The following KBTBD11 variants were observed in gnomAD, a reference collection of about 807,000 sequenced individuals.
KBTBD11 encodes the protein kelch repeat and BTB domain-containing protein 11.
For synonymous variants in KBTBD11, 747 were observed against 499.0 expected (o/e 1.50, Z -6.63); for missense variants, 1,390 against 1,001.8 (o/e 1.39, Z -5.23).
intron 1 of KBTBD11, among the ~76,000 whole-genome samples, chr8:1,994,886 C>G (rs2004868): frequency 0.16 from 23,989 of 152,066 alleles, 2,188 homozygotes; most frequent in African/African-American, 0.25. Flanking sequence ...TGGCGAAACT[C>G]CGTCTCTACT....
In KBTBD11 at chr8:2,002,467, G is replaced by A. The variant is rs1373774652; in HGVS notation, c.1275G>A (p.Val425=). Residue 425 remains valine (V), a synonymous_variant, in exon 2 of 2, where the codon GTG becomes GTA. Coordinates refer to ENST00000320248, the MANE Select transcript of KBTBD11 (RefSeq NM_014867.3). The surrounding 1 kb of genome is among the most constrained non-coding windows in gnomAD (Gnocchi z 4.1). The stretch of plus-strand genomic sequence containing the variant: ...TGGGCGGCGAGTGCCTGCTCAGCGT[G>A]GAGCGCTACGACCCGCGCGCCGACC... ...YAVGGECLLS[V]ERYDPRADRW... 2.6e-6 allele frequency: 4 copies of A among 1,511,690 alleles called. No individual in the cohort carries two copies. Among genetic ancestry groups the A allele is most frequent in the Non-Finnish European group, 3.5e-6 (4 of 1,137,800 alleles). The allele number at this position is 1,511,690 out of a possible 1,614,324, so 93.6% of individuals were successfully genotyped here.
In KBTBD11 at chr8:2,006,885, A is replaced by G. The variant is rs1186636334; in HGVS notation, c.*3821A>G. ...GGGCATAAATAGTGCAGAGCCTCGTATGTTTGTCAGTTCATGCCGAGATGA... is the reference window on the plus strand; with the variant it reads ...GGGCATAAATAGTGCAGAGCCTCGTGTGTTTGTCAGTTCATGCCGAGATGA... On this transcript the variant is annotated 3_prime_UTR_variant, in exon 2 of 2. Coordinates refer to ENST00000320248, the MANE Select transcript of KBTBD11 (RefSeq NM_014867.3). 1 of 166,976 alleles carries G rather than the reference A, an allele frequency of 6.0e-6. No individual in the cohort carries two copies. Among genetic ancestry groups the G allele is most frequent in the Non-Finnish European group, 1.5e-5 (1 of 68,120 alleles). 10.3% of individuals were successfully genotyped at this position (166,976 alleles called of 1,614,324 possible).
In KBTBD11 at chr8:2,002,761, C is replaced by A. The variant is rs1343774916; in HGVS notation, c.1569C>A (p.Ser523Arg). Residue 523 changes from serine to arginine, a missense_variant, in exon 2 of 2, where the codon AGC becomes AGA. Coordinates refer to ENST00000320248, the MANE Select transcript of KBTBD11 (RefSeq NM_014867.3). The surrounding 1 kb of genome is among the most constrained non-coding windows in gnomAD (Gnocchi z 4.1). ...EAQAAGPSGV[S>R]VSRYHCLAKQ... ...AGGCGGCGGGGCCGAGCGGGGTCAG[C>A]GTGTCCCGATACCACTGCCTGGCCA... 3 of 1,485,974 alleles carry A rather than the reference C, an allele frequency of 2.0e-6. No individual in the cohort carries two copies. Among genetic ancestry groups the A allele is most frequent in the African/African-American group, 2.9e-5 (2 of 68,800 alleles). 92.0% of individuals were successfully genotyped at this position (1,485,974 alleles called of 1,614,324 possible). A position where few individuals can be genotyped will look rare whatever the true frequency, so the allele number is the denominator to read the frequency against.
In KBTBD11 at chr8:2,001,720, G is replaced by T. The variant is rs1454440729; in HGVS notation, c.528G>T (p.Val176=). 2.1e-6 allele frequency: 3 copies of T among 1,413,702 alleles called. No individual in the cohort carries two copies. In the East Asian group the frequency reaches 9.2e-5, roughly 43 times the overall value. The allele number at this position is 1,413,702 out of a possible 1,614,324, so 87.6% of individuals were successfully genotyped here. A position where few individuals can be genotyped will look rare whatever the true frequency, so the allele number is the denominator to read the frequency against. The change falls in exon 2 of 2, where the codon GTG becomes GTT. Residue 176 remains valine, a synonymous_variant. Coordinates refer to ENST00000320248, the MANE Select transcript of KBTBD11 (RefSeq NM_014867.3). Reference sequence around the variant, plus strand: ...GCGCGTCGCGGGACGTGCTGCGGGTGCAGGGAGTGAGCCTGACGGCGCTGC... The same window carrying T: ...GCGCGTCGCGGGACGTGCTGCGGGTTCAGGGAGTGAGCCTGACGGCGCTGC... ...RARASRDVLR[V]QGVSLTALRL...
chr8:1,998,385 A>T (rs1486478390), intron 1 of KBTBD11, among the ~76,000 whole-genome samples: 9 of 152,186 alleles, frequency 5.9e-5, no homozygotes, highest in Admixed American at 3.9e-4. Context: ...AACAAAATGT[A>T]TACTTATCAA....
chr8:1,991,617 C>T (rs991357993), intron 1 of KBTBD11, among the ~76,000 whole-genome samples: 15 of 151,514 alleles, frequency 9.9e-5, no homozygotes, highest in Admixed American at 9.8e-4. Flanking sequence ...GCTTTGCTCT[C>T]CCCACACCAG....
chr8:1,997,818 C>T (rs550230645), intron 1 of KBTBD11, among the ~76,000 whole-genome samples: 1 of 152,358 alleles, frequency 6.6e-6, no homozygotes, highest in African/African-American at 2.4e-5. Context: ...CCATCCCCTG[C>T]TCTGCCAACT....
At chr8:1,986,323 C>T (rs1199557332) in intron 1 of KBTBD11, among the ~76,000 whole-genome samples, 1 of 152,222 alleles carries the variant, frequency 6.6e-6, no homozygotes, top group African/African-American at 2.4e-5. Context: ...AATTGGGACT[C>T]TGTCAAATCT....
chr8:2,006,753 G>A lies in KBTBD11; in HGVS notation c.*3689G>A, dbSNP rs1233545048. The A allele has an allele frequency of 1.2e-5, 2 of 167,136 alleles. No homozygotes were observed. Among genetic ancestry groups the A allele is most frequent in the Non-Finnish European group, 2.9e-5 (2 of 68,132 alleles). The allele number at this position is 167,136 out of a possible 1,614,324, so 10.4% of individuals were successfully genotyped here. A position where few individuals can be genotyped will look rare whatever the true frequency, so the allele number is the denominator to read the frequency against. On this transcript the variant is annotated 3_prime_UTR_variant, in exon 2 of 2. Coordinates refer to ENST00000320248, the MANE Select transcript of KBTBD11 (RefSeq NM_014867.3). ...TTCAAGCTCTAAGCGATTCTCAAAT[G>A]TTACCATTTATTAAAGGTAAACTAC...
intron 1 of KBTBD11, among the ~76,000 whole-genome samples, chr8:1,993,491 ATCCG>A (rs146996986): frequency 0.53 from 65,417 of 123,024 alleles, 18,877 homozygotes; most frequent in East Asian, 0.81. Context: ...CTATCCGTCC[ATCCG>A]TCCATCCATC....
chr8:2,001,493 G>T lies in KBTBD11; in HGVS notation c.301G>T (p.Glu101Ter). Residue 101 changes from glutamate to a stop codon, truncating the protein, a stop_gained, in exon 2 of 2, where the codon GAA (glutamate) becomes TAA (stop). Transcript: ENST00000320248. LOFTEE classifies it low-confidence loss of function (END_TRUNC). ...GTCCCCTGAGGAGCGCGCGTGCCCG[G>T]AAGAGCCCGCGGCGCCGTCCCCCGA... is the stretch of plus-strand genomic sequence containing the variant. Reference protein sequence around the residue: ...LASPEERACPEEPAAPSPEPR... With the variant: ...LASPEERACP 16 of 1,387,144 alleles carry T rather than the reference G, an allele frequency of 1.2e-5. No individual in the cohort carries two copies. The highest frequency in any genetic ancestry group is 1.5e-5 in the African/African-American group (1 of 65,772). The allele number at this position is 1,387,144 out of a possible 1,614,324, so 85.9% of individuals were successfully genotyped here. A position where few individuals can be genotyped will look rare whatever the true frequency, so the allele number is the denominator to read the frequency against.
chr8:1,981,998 C>A (rs972431541), intron 1 of KBTBD11, among the ~76,000 whole-genome samples: 117 of 152,292 alleles, frequency 7.7e-4, no homozygotes, highest in African/African-American at 2.1e-3. Context: ...ATCTACCGGT[C>A]TATCTAGCCT....
chr8:2,000,054 A>C (rs1467384710), intron 1 of KBTBD11, among the ~76,000 whole-genome samples: 2 of 152,194 alleles, frequency 1.3e-5, no homozygotes, highest in African/African-American at 4.8e-5. Context: ...GACTCTCCTG[A>C]GTCCTCAAAA....
rs142969747 is a variant in KBTBD11 at position 1,992,661 on chromosome 8, T to A, written c.-908-7624T>A. On this transcript the variant is annotated intron_variant, in intron 1 of 1. Transcript: ENST00000320248. ...TTATTTTCATACTGTTTTTTCTTTCTATATCTTAAGACTTTTTCAAGTTGG... is the reference window on the plus strand; with the variant it reads ...TTATTTTCATACTGTTTTTTCTTTCAATATCTTAAGACTTTTTCAAGTTGG... 2.6e-5 allele frequency among the ~76,000 whole-genome samples: 4 copies of A among 152,218 alleles called. No homozygotes were observed. The East Asian group carries it at 7.7e-4, about 29-fold the overall frequency.
chr8:2,002,041 G>C lies in KBTBD11; in HGVS notation c.849G>C (p.Leu283=), dbSNP rs1051468846. ...GCCTGTCGGGCGCAGAGCGGGACCT[G>C]CTGCTGCGCCGCCGCCTGCGCGCCG... is the stretch of plus-strand genomic sequence containing the variant. ...FGRLSGAERD[L]LLRRRLRAGR... Residue 283 remains leucine, a synonymous_variant, in exon 2 of 2, where the codon CTG becomes CTC. Transcript: ENST00000320248. The surrounding 1 kb of genome is among the most constrained non-coding windows in gnomAD (Gnocchi z 4.1). 7.9e-7 allele frequency: 1 copy of C among 1,259,908 alleles called. No individual in the cohort carries two copies. The highest frequency in any genetic ancestry group is 3.7e-5 in the Admixed American group (1 of 27,350). 78.0% of individuals were successfully genotyped at this position (1,259,908 alleles called of 1,614,324 possible). A position where few individuals can be genotyped will look rare whatever the true frequency, so the allele number is the denominator to read the frequency against.
Position 2,004,406 on chromosome 8 carries a change from A to T in KBTBD11, c.*1342A>T, listed in dbSNP as rs1189304424. 6.0e-6 allele frequency: 1 copy of T among 166,918 alleles called. No individual in the cohort carries two copies. 10.3% of individuals were successfully genotyped at this position (166,918 alleles called of 1,614,324 possible). A position where few individuals can be genotyped will look rare whatever the true frequency, so the allele number is the denominator to read the frequency against. ...GGCGAACATTTGAACTCCGAATCCA[A>T]CCCATTTTCTTACTGTAAGAGGAAA... On this transcript the variant is annotated 3_prime_UTR_variant, in exon 2 of 2. Coordinates refer to ENST00000320248, the MANE Select transcript of KBTBD11 (RefSeq NM_014867.3).
Position 2,002,703 on chromosome 8 carries a change from G to C in KBTBD11, c.1511G>C (p.Arg504Pro). ...GTGGCTCTCGACGGCTTCATCTACC[G>C]CTTCGATCTGAGCGGCAGCCGCGGC... The part of the protein sequence containing the change: ...DMVALDGFIY[R>P]FDLSGSRGEA... Residue 504 changes from arginine (R) to proline (P), a missense_variant, in exon 2 of 2, where the codon CGC (arginine) becomes CCC (proline). Arg to Pro is a moderately radical substitution (Grantham distance 103). Transcript: ENST00000320248. This position sits in a 1 kb window ranked among gnomAD's most constrained non-coding sequence, Gnocchi z 4.1. 1 of 1,543,938 alleles carries C rather than the reference G, an allele frequency of 6.5e-7. No individual in the cohort carries two copies. Among genetic ancestry groups the C allele is most frequent in the Non-Finnish European group, 8.7e-7 (1 of 1,153,636 alleles).
At chr8:1,984,803 A>C (rs1816658135) in intron 1 of KBTBD11, among the ~76,000 whole-genome samples, 1 of 152,088 alleles carries the variant, frequency 6.6e-6, no homozygotes, top group Admixed American at 6.6e-5. Flanking sequence ...CATTAAACGA[A>C]AGTGGCAGCC....
intron 1 of KBTBD11, chr8:1,976,535 TCTG>T: frequency 6.6e-6 from 1 of 152,296 alleles, no homozygotes; most frequent in African/African-American, 2.4e-5. Flanking sequence ...TTCCTTCTCT[TCTG>T]AATATTTGTG....
Sources: allele counts gnomAD v4.1 joint callset (sites outside exome capture counted in the v4.1 genomes callset), GRCh38; gene constraint gnomAD v4.1.1; non-coding constraint Gnocchi (gnomAD v3.1); transcripts MANE v1.5; gene names NCBI Gene and HGNC (gene_info 2026-07-23, HGNC 2026-07-21).